Variants in NCAPG observed in about 807,000 individuals in gnomAD.
The protein encoded by NCAPG is condensin complex subunit 3.
A neutral mutation model predicts 113.1 loss-of-function variants in NCAPG; 69 were observed. That is an observed-to-expected ratio of 0.61 (90% CI 0.50 to 0.75). NCAPG has a LOEUF of 0.75. Ranked by LOEUF, NCAPG falls within the 30% of genes least tolerant of loss-of-function variation. The probability of loss-of-function intolerance (pLI) is 0.00; values close to 1 mark genes in which losing one functional copy is unlikely to be tolerated. For synonymous variants in NCAPG, 370 were observed against 415.8 expected, an observed-to-expected ratio of 0.89 and a Z score of 1.34; for missense variants, 1,058 against 1,177.0, an observed-to-expected ratio of 0.90 and a Z score of 1.48.
intron 12 of NCAPG, among the ~76,000 whole-genome samples, chr4:17,830,780 A>G (rs960571972): frequency 6.6e-6 from 1 of 152,184 alleles, no homozygotes; most frequent in Admixed American, 6.5e-5. Context: ...TTGTTCTGTG[A>G]GCATTGGGAA....
Position 17,829,555 on chromosome 4 carries a change from TAC to T in NCAPG, c.1764+1169_1764+1170del, listed in dbSNP as rs199824499. Among the ~76,000 whole-genome samples, 529 of 152,314 alleles carry T rather than the reference TAC, an allele frequency of 3.5e-3. 11 individuals carry two copies. The East Asian group carries it at 0.054, about 16-fold the overall frequency. On this transcript the variant is annotated intron_variant, in intron 12 of 20. Transcript: ENST00000251496. ...GACTGTATATATGTGGGAAAGGATA[TAC>T]AGTGTTATGTGAAGAATAAACACAA...
chr4:17,812,921 A>G lies in NCAPG; in HGVS notation c.320A>G (p.His107Arg). 6.2e-7 allele frequency: 1 copy of G among 1,613,578 alleles called. No individual in the cohort carries two copies. The highest frequency in any genetic ancestry group is 8.5e-7 in the Non-Finnish European group (1 of 1,179,644). ...TTTGATTTGTTTCTGTTTTAGTCTCATGAAGCAAACAGCAATGCAGTGAGA... is the reference window on the plus strand; with the variant it reads ...TTTGATTTGTTTCTGTTTTAGTCTCGTGAAGCAAACAGCAATGCAGTGAGA... The part of the protein sequence containing the change: ...NYLFTFLLKS[H>R]EANSNAVRFR... Residue 107 changes from histidine to arginine, a missense_variant, in exon 3 of 21, where the codon CAT becomes CGT. Physicochemically the swap from His to Arg is conservative, Grantham distance 29. Coordinates refer to ENST00000251496, the MANE Select transcript of NCAPG (RefSeq NM_022346.5).
At position 17,812,267 on chromosome 4, in the gene NCAPG, A is replaced by T. The variant is rs777354962; in HGVS notation, c.158A>T (p.Lys53Ile). ...CATGAGGAGTTCATTCATTACCTTA[A>T]ATATGTTATGGTGGTCTATAAACGT... is the stretch of plus-strand genomic sequence containing the variant. Reference protein sequence around the residue: ...VFHEEFIHYLKYVMVVYKREP... With the variant: ...VFHEEFIHYLIYVMVVYKREP... Residue 53 changes from lysine to isoleucine, a missense_variant, in exon 2 of 21, where the codon AAA (lysine) becomes ATA (isoleucine). Physicochemically the swap from Lys to Ile is moderately radical, Grantham distance 102. Coordinates refer to ENST00000251496, the MANE Select transcript of NCAPG (RefSeq NM_022346.5). 2 of 1,613,494 alleles carry T rather than the reference A, an allele frequency of 1.2e-6. No individual in the cohort carries two copies. The highest frequency in any genetic ancestry group is 1.7e-6 in the Non-Finnish European group (2 of 1,179,798).
intron 14 of NCAPG, among the ~76,000 whole-genome samples, chr4:17,836,711 T>G (rs1722111426): frequency 6.6e-6 from 1 of 152,218 alleles, no homozygotes; most frequent in South Asian, 2.1e-4. Context: ...GAATGCCTTC[T>G]GCTTCAACAC....
intron 5 of NCAPG, among the ~76,000 whole-genome samples, chr4:17,816,152 C>T (rs1291971921): frequency 1.3e-5 from 2 of 151,804 alleles, no homozygotes; most frequent in Non-Finnish European, 1.5e-5. Context: ...CCACAGAGGG[C>T]GGGCTGGATG....
At chr4:17,828,085 G>A (rs1277628156) in intron 11 of NCAPG, among the ~76,000 whole-genome samples, 193 bp from the exon 12 acceptor site, 1 of 152,104 alleles carries the variant, frequency 6.6e-6, no homozygotes, top group Non-Finnish European at 1.5e-5. Flanking sequence ...ACAGGCGTGA[G>A]TCGTTGCGCC....
At chr4:17,833,032 AAGCCAAGTTATAG>A (rs1455887824) in intron 13 of NCAPG, among the ~76,000 whole-genome samples, 2 of 152,152 alleles carry the variant, frequency 1.3e-5, no homozygotes, top group Admixed American at 6.5e-5. Context: ...TTTGTTCTAA[AAGCCAAGTTATAG>A]AGCCAAGTTA....
chr4:17,812,140 G>T (rs1400283331), intron 1 of NCAPG, 81 bp from the exon 2 acceptor site: 1 of 1,008,498 alleles, frequency 9.9e-7, no homozygotes, highest in Non-Finnish European at 1.5e-6. Flanking sequence ...TATGGCTAGT[G>T]CTTTCATCAG....
intron 11 of NCAPG, among the ~76,000 whole-genome samples, chr4:17,826,799 A>C (rs1721673558): frequency 6.6e-6 from 1 of 152,216 alleles, no homozygotes; most frequent in South Asian, 2.1e-4. Flanking sequence ...TCCCCAGAGG[A>C]AGACATGTTT....
chr4:17,842,407 G>A (rs1196785838), intron 20 of NCAPG, 28 bp downstream of exon 20: 31 of 1,560,786 alleles, frequency 2.0e-5, no homozygotes, highest in East Asian at 1.3e-4. Flanking sequence ...AGAATATATG[G>A]AGGCCTATCT....
intron 7 of NCAPG, among the ~76,000 whole-genome samples, chr4:17,820,149 G>A (rs1447118407): frequency 6.6e-6 from 1 of 152,144 alleles, no homozygotes; most frequent in Non-Finnish European, 1.5e-5. Flanking sequence ...ATGGCATAAA[G>A]GGGGAGGAGT....
intron 6 of NCAPG, 100 bp downstream of exon 6, chr4:17,817,553 T>A: frequency 3.4e-6 from 3 of 891,872 alleles, no homozygotes; most frequent in Non-Finnish European, 5.1e-6. Context: ...TTAATACCTT[T>A]AATCTTAACT....
intron 20 of NCAPG, 69 bp downstream of exon 20, chr4:17,842,448 C>CTAA: frequency 2.3e-6 from 3 of 1,289,236 alleles, no homozygotes; most frequent in Non-Finnish European, 3.4e-6. Flanking sequence ...TAGAAAAAAA[C>CTAA]TAATTTTCTT....
At position 17,811,188 on chromosome 4, in the gene NCAPG, G is replaced by C. The variant is rs1206034613; in HGVS notation, c.111G>C (p.Thr37=). The C allele has an allele frequency of 2.7e-6, 4 of 1,472,902 alleles. No homozygotes were observed. Among genetic ancestry groups the C allele is most frequent in the Non-Finnish European group, 3.6e-6 (4 of 1,105,416 alleles). The allele number at this position is 1,472,902 out of a possible 1,614,324, so 91.2% of individuals were successfully genotyped here. A position where few individuals can be genotyped will look rare whatever the true frequency, so the allele number is the denominator to read the frequency against. The change falls in exon 1 of 21, where the codon ACG becomes ACC. Residue 37 remains threonine, a splice_region_variant and synonymous_variant. Coordinates refer to ENST00000251496, the MANE Select transcript of NCAPG (RefSeq NM_022346.5). The surrounding 1 kb of genome is among the most constrained non-coding windows in gnomAD (Gnocchi z 5.3). The stretch of plus-strand genomic sequence containing the variant: ...TGGCGCTGAGCCGCACCTACCGCAC[G>C]GTAAGCGCTCCCGGCCCCGGCCGCC... ...LVVALSRTYR[T]MDDKTVFHEE... is the part of the protein sequence containing the mutation.
At chr4:17,838,111 A>G (rs1260845242) in intron 16 of NCAPG, among the ~76,000 whole-genome samples, 7 of 152,186 alleles carry the variant, frequency 4.6e-5, no homozygotes, top group Admixed American at 3.3e-4. Flanking sequence ...AGAGTCTTCA[A>G]ATGTTGGCTT....
intron 5 of NCAPG, among the ~76,000 whole-genome samples, chr4:17,816,605 A>G (rs865923373): frequency 4.8e-4 from 73 of 152,342 alleles, no homozygotes; most frequent in African/African-American, 1.5e-3. Flanking sequence ...GTGTGCTTGT[A>G]TAGTTCACTA....
Position 17,812,230 on chromosome 4 carries a change from A to G in NCAPG, c.121A>G (p.Lys41Glu), listed in dbSNP as rs762713433. 5 of 1,612,052 alleles carry G rather than the reference A, an allele frequency of 3.1e-6. No homozygotes were observed. Among genetic ancestry groups the G allele is most frequent in the Non-Finnish European group, 4.2e-6 (5 of 1,179,222 alleles). Reference protein sequence around the residue: ...LSRTYRTMDDKTVFHEEFIHY... With the variant: ...LSRTYRTMDDETVFHEEFIHY... ...TTCTTTTGTCTTTCAGATGGATGAT[A>G]AGACAGTTTTTCATGAGGAGTTCAT... The change falls in exon 2 of 21, where the codon AAG becomes GAG. Residue 41 changes from lysine to glutamate, a missense_variant. Lys to Glu is a moderately conservative substitution (Grantham distance 56). Transcript: ENST00000251496.
At chr4:17,813,477 G>T (rs1035246491) in intron 3 of NCAPG, 1 of 168,574 alleles carries the variant, frequency 5.9e-6, no homozygotes, top group African/African-American at 2.4e-5. Context: ...TGTAAATCAT[G>T]CTGTATGTAT....
At position 17,842,399 on chromosome 4, in the gene NCAPG, A is replaced by G; in HGVS notation, c.2924+20A>G. 6.3e-7 allele frequency: 1 copy of G among 1,599,508 alleles called. No homozygotes were observed. The highest frequency in any genetic ancestry group is 8.6e-7 in the Non-Finnish European group (1 of 1,167,506). On this transcript the variant is annotated intron_variant, in intron 20 of 20. Transcript: ENST00000251496. ...TGAAAGGTATGTCATGCATGTCTAGAATATATGGAGGCCTATCTTCACTTT... is the reference window on the plus strand; with the variant it reads ...TGAAAGGTATGTCATGCATGTCTAGGATATATGGAGGCCTATCTTCACTTT...
Sources: allele counts gnomAD v4.1 joint callset (sites outside exome capture counted in the v4.1 genomes callset), GRCh38; gene constraint gnomAD v4.1.1; non-coding constraint Gnocchi (gnomAD v3.1); transcripts MANE v1.5; gene names NCBI Gene and HGNC (gene_info 2026-07-23, HGNC 2026-07-21).